FUT8: variants seen among roughly 807,000 people sequenced by gnomAD.
FUT8 encodes the protein alpha-(1,6)-fucosyltransferase.
A neutral mutation model predicts 71.3 loss-of-function variants in FUT8; 29 were observed. That is an observed-to-expected ratio of 0.41 (90% CI 0.30 to 0.55). FUT8 has a LOEUF of 0.55. Ranked by LOEUF, FUT8 falls within the 20% of genes least tolerant of loss-of-function variation. The pLI, the probability that FUT8 is intolerant of heterozygous loss-of-function variation, is 0.34. For missense variants in FUT8, 544 were observed against 702.1 expected (o/e 0.77, Z 2.55); for synonymous variants, 254 against 239.3 (o/e 1.06, Z -0.57).
chr14:65,486,993 C>T (rs1207630795), intron 2 of FUT8, among the ~76,000 whole-genome samples: 1 of 152,170 alleles, frequency 6.6e-6, no homozygotes, highest in African/African-American at 2.4e-5. Context: ...CAAATTCCTG[C>T]CCTGTTGCCC....
chr14:65,554,165 G>A (rs967733187), intron 2 of FUT8, among the ~76,000 whole-genome samples: 6 of 151,768 alleles, frequency 4.0e-5, no homozygotes, highest in African/African-American at 1.5e-4. Context: ...CAAGCTCACT[G>A]AGTTTTTAGC....
At chr14:65,589,216 A>G (rs958413989) in intron 3 of FUT8, among the ~76,000 whole-genome samples, 1 of 152,192 alleles carries the variant, frequency 6.6e-6, no homozygotes, top group Non-Finnish European at 1.5e-5. Flanking sequence ...AAATATTTAG[A>G]AAAGGAATCC....
At chr14:65,700,326 T>C (rs1894216745) in intron 7 of FUT8, among the ~76,000 whole-genome samples, 3 of 152,114 alleles carry the variant, frequency 2.0e-5, no homozygotes, top group South Asian at 4.2e-4. Context: ...ATTTTACATA[T>C]TGTATAAAAG....
intron 2 of FUT8, among the ~76,000 whole-genome samples, chr14:65,526,690 G>A (rs1461080914): frequency 6.6e-6 from 1 of 152,202 alleles, no homozygotes; most frequent in Non-Finnish European, 1.5e-5. Context: ...TGTTTTTGCA[G>A]TGGCTGGTAC....
At chr14:65,524,939 G>A (rs945997160) in intron 2 of FUT8, among the ~76,000 whole-genome samples, 1 of 152,124 alleles carries the variant, frequency 6.6e-6, no homozygotes, top group Non-Finnish European at 1.5e-5. Context: ...TGATCATGGT[G>A]GATAAGCTTT....
Position 65,555,866 on chromosome 14 carries a change from C to T in FUT8, c.-227-5471C>T, listed in dbSNP as rs1885560505. ...GCTATTAATAAATGTGCTTTTTTACCTCTGGTATTAGTATAAAACCAATAA... is the reference window on the plus strand; with the variant it reads ...GCTATTAATAAATGTGCTTTTTTACTTCTGGTATTAGTATAAAACCAATAA... On this transcript the variant is annotated intron_variant, in intron 2 of 10. Coordinates refer to ENST00000673929, the MANE Select transcript of FUT8 (RefSeq NM_001371533.1). Among the ~76,000 whole-genome samples, 3 of 152,054 alleles carry T rather than the reference C, an allele frequency of 2.0e-5. No individual in the cohort carries two copies. The South Asian group carries it at 6.2e-4, about 32-fold the overall frequency.
intron 2 of FUT8, among the ~76,000 whole-genome samples, chr14:65,473,093 A>G (rs1035498834): frequency 2.6e-5 from 4 of 152,128 alleles, no homozygotes; most frequent in Non-Finnish European, 4.4e-5. Context: ...GTCCTTTTTC[A>G]TACACAATTT....
chr14:65,429,540 A>C (rs2065437761), intron 1 of FUT8, among the ~76,000 whole-genome samples: 1 of 152,176 alleles, frequency 6.6e-6, no homozygotes, highest in African/African-American at 2.4e-5. Flanking sequence ...AAGATTTGTC[A>C]CTCTGACAAT....
At position 65,467,029 on chromosome 14, in the gene FUT8, A is replaced by G. The variant is rs2066055023; in HGVS notation, c.-228+11311A>G. Among the ~76,000 whole-genome samples the G allele has an allele frequency of 6.6e-6, 1 of 152,212 alleles. No individual in the cohort carries two copies. The highest frequency in any genetic ancestry group is 2.1e-4 in the South Asian group (1 of 4,830). ...CTGTTAGATGAATTAAGGATCAGAAAAACAAAAGATTTAGTTTTACCTTTA... is the reference window on the plus strand; with the variant it reads ...CTGTTAGATGAATTAAGGATCAGAAGAACAAAAGATTTAGTTTTACCTTTA... On this transcript the variant is annotated intron_variant, in intron 2 of 10. Transcript: ENST00000673929. The surrounding 1 kb of genome is among the most constrained non-coding windows in gnomAD (Gnocchi z 4.1).
intron 6 of FUT8, among the ~76,000 whole-genome samples, chr14:65,656,007 TG>T (rs57476621): frequency 0.62 from 93,945 of 151,832 alleles, 29,403 homozygotes; most frequent in East Asian, 0.75. Flanking sequence ...AGTACCATAA[TG>T]GGGGAGAAAC....
intron 2 of FUT8, among the ~76,000 whole-genome samples, chr14:65,546,182 G>C (rs974439635): frequency 6.6e-6 from 1 of 151,742 alleles, no homozygotes; most frequent in Non-Finnish European, 1.5e-5. Flanking sequence ...TCATGTAACT[G>C]TCATTTCCTT....
At chr14:65,565,194 C>A (rs867635107) in intron 3 of FUT8, among the ~76,000 whole-genome samples, 21 of 151,900 alleles carry the variant, frequency 1.4e-4, no homozygotes, top group South Asian at 2.1e-4. Flanking sequence ...GTAACTATTC[C>A]ATTCCCATGA....
At position 65,550,312 on chromosome 14, in the gene FUT8, G is replaced by T. The variant is rs1263747069; in HGVS notation, c.-227-11025G>T. On this transcript the variant is annotated intron_variant, in intron 2 of 10. Transcript: ENST00000673929. This position sits in a 1 kb window ranked among gnomAD's most constrained non-coding sequence, Gnocchi z 4.5. ...ACCCATCATAAGTTGAAAGTATCAT[G>T]AGTCGCAATATGTTTAATACACCTA... is the stretch of plus-strand genomic sequence containing the variant. Among the ~76,000 whole-genome samples the T allele has an allele frequency of 1.3e-5, 2 of 152,142 alleles. No homozygotes were observed. Among genetic ancestry groups the T allele is most frequent in the Non-Finnish European group, 2.9e-5 (2 of 68,030 alleles).
At chr14:65,431,816 C>T (rs998096251) in intron 1 of FUT8, among the ~76,000 whole-genome samples, 4 of 151,956 alleles carry the variant, frequency 2.6e-5, no homozygotes, top group Non-Finnish European at 5.9e-5. Context: ...CTCTTTTATC[C>T]CTTCTACTGT....
intron 7 of FUT8, among the ~76,000 whole-genome samples, chr14:65,696,589 A>C (rs1894008798): frequency 6.6e-6 from 1 of 151,888 alleles, no homozygotes; most frequent in Non-Finnish European, 1.5e-5. Flanking sequence ...GATGTTCTCT[A>C]GGTTTTATAG....
At chr14:65,689,459 G>C (rs1266135585) in intron 7 of FUT8, among the ~76,000 whole-genome samples, 1 of 152,148 alleles carries the variant, frequency 6.6e-6, no homozygotes, top group African/African-American at 2.4e-5. Context: ...AGTTGAGTTG[G>C]ATATAAGTTC....
chr14:65,443,009 C>T (rs2065684665), intron 1 of FUT8, among the ~76,000 whole-genome samples: 1 of 151,936 alleles, frequency 6.6e-6, no homozygotes, highest in Non-Finnish European at 1.5e-5. Flanking sequence ...ATGTACCATA[C>T]TAATATAAGA....
chr14:65,676,134 G>C (rs756726999), intron 7 of FUT8, among the ~76,000 whole-genome samples: 1 of 152,130 alleles, frequency 6.6e-6, no homozygotes, highest in African/African-American at 2.4e-5. Flanking sequence ...TGAAAAAATA[G>C]TCTATTACCA....
chr14:65,727,138 G>A (rs897094453), intron 9 of FUT8, among the ~76,000 whole-genome samples: 4 of 152,106 alleles, frequency 2.6e-5, no homozygotes, highest in Non-Finnish European at 2.9e-5. Flanking sequence ...AAGTGTCTGC[G>A]GCTTTTCCAG....
Sources: allele counts gnomAD v4.1 joint callset (sites outside exome capture counted in the v4.1 genomes callset), GRCh38; gene constraint gnomAD v4.1.1; non-coding constraint Gnocchi (gnomAD v3.1); transcripts MANE v1.5; gene names NCBI Gene and HGNC (gene_info 2026-07-23, HGNC 2026-07-21).